FBXL13: variants seen among roughly 807,000 people sequenced by gnomAD.
The protein encoded by FBXL13 is F-box and leucine rich repeat protein 13, also known as F-box and leucine-rich repeat protein 13.
In FBXL13, 67 loss-of-function variants were observed where a neutral mutation model predicts 83.6. That is an observed-to-expected ratio of 0.80 (90% CI 0.66 to 0.98). FBXL13 has a LOEUF of 0.98. Ranked by LOEUF, FBXL13 falls within the 50% of genes least tolerant of loss-of-function variation. The pLI, the probability that FBXL13 is intolerant of heterozygous loss-of-function variation, is 0.00. For synonymous variants in FBXL13, 272 were observed against 299.5 expected, an observed-to-expected ratio of 0.91 and a Z score of 0.95; for missense variants, 822 against 866.5, an observed-to-expected ratio of 0.95 and a Z score of 0.64.
intron 19 of FBXL13, among the ~76,000 whole-genome samples, chr7:102,816,607 A>T (rs1798037483): frequency 6.6e-6 from 1 of 152,174 alleles, no homozygotes; most frequent in African/African-American, 2.4e-5. Context: ...GTGTTTGCAC[A>T]CACGCACCTT....
Position 102,968,135 on chromosome 7 carries a change from T to C in FBXL13, c.496-18A>G. On this transcript the variant is annotated intron_variant, in intron 6 of 19. Transcript: ENST00000313221. ...AAGAAAATCTAAACACAAAGAAAAATACACAACTTTGAAAAATGTGAACTT... is the reference window on the plus strand; with the variant it reads ...AAGAAAATCTAAACACAAAGAAAAACACACAACTTTGAAAAATGTGAACTT... 2.6e-6 allele frequency: 4 copies of C among 1,552,314 alleles called. No homozygotes were observed. The highest frequency in any genetic ancestry group is 1.1e-5 in the South Asian group (1 of 89,862).
chr7:102,974,909 T>G (rs2129482745), intron 6 of FBXL13, among the ~76,000 whole-genome samples: 1 of 152,266 alleles, frequency 6.6e-6, no homozygotes, highest in African/African-American at 2.4e-5. Context: ...CACTGTCCTC[T>G]CCTCAGGACA....
chr7:102,883,517 CA>C, intron 13 of FBXL13, 50 bp from the exon 15 acceptor site: 1 of 1,590,098 alleles, frequency 6.3e-7, no homozygotes, highest in Non-Finnish European at 8.6e-7. Flanking sequence ...TAGAATGCCA[CA>C]AGAGTAAAAG....
chr7:102,916,791 T>TG (rs61021557), intron 10 of FBXL13, among the ~76,000 whole-genome samples: 36,116 of 147,274 alleles, frequency 0.25, 4,940 homozygotes, highest in East Asian at 0.49. Flanking sequence ...CTGTTTCTTA[T>TG]GGGGGGGGGT....
At position 103,024,134 on chromosome 7, in the gene FBXL13, A is replaced by AG. The variant is rs1326497136; in HGVS notation, c.495+928_495+929insC. 6.2e-4 allele frequency among the ~76,000 whole-genome samples: 84 copies of AG among 135,288 alleles called. 3 individuals are homozygous for AG. The highest frequency in any genetic ancestry group is 2.6e-4 in the South Asian group (1 of 3,854). The allele number at this position is 135,288 out of a possible 152,430, so 88.8% of individuals were successfully genotyped here. ...TCCCTCAACCTAAAATAAAAGTTAAAAAGAGAGAGAGAGAGAGAGAGAGAG... is the reference window on the plus strand; with the variant it reads ...TCCCTCAACCTAAAATAAAAGTTAAAGAAGAGAGAGAGAGAGAGAGAGAGAG... On this transcript the variant is annotated intron_variant, in intron 6 of 19. Transcript: ENST00000313221.
At chr7:102,978,417 G>C (rs562153144) in intron 6 of FBXL13, 2 of 152,822 alleles carry the variant, frequency 1.3e-5, no homozygotes, top group South Asian at 4.1e-4. Flanking sequence ...TGTGCCAGCA[G>C]TGTGAGTCAG....
At chr7:102,931,959 T>C (rs1313093789) in intron 8 of FBXL13, 26 bp from the exon 10 acceptor site, 2 of 1,605,798 alleles carry the variant, frequency 1.2e-6, no homozygotes, top group East Asian at 4.5e-5. Context: ...TACACGTCAC[T>C]AAACTACATA....
intron 9 of FBXL13, among the ~76,000 whole-genome samples, chr7:102,929,712 A>G (rs939672709): frequency 2.0e-5 from 3 of 151,968 alleles, no homozygotes; most frequent in African/African-American, 7.2e-5. Flanking sequence ...TAACTGTCAA[A>G]AAGTGAACAG....
chr7:102,939,579 G>T, intron 8 of FBXL13: 1 of 1,612,650 alleles, frequency 6.2e-7, no homozygotes, highest in Non-Finnish European at 8.5e-7. Flanking sequence ...TGAATTCATC[G>T]ATCCTGGTAA....
intron 14 of FBXL13, among the ~76,000 whole-genome samples, chr7:102,881,686 T>C (rs888089024): frequency 6.6e-6 from 1 of 152,098 alleles, no homozygotes; most frequent in Non-Finnish European, 1.5e-5. Context: ...CTCAGGGATT[T>C]AGAAGTGAAC....
At chr7:103,068,380 C>A (rs938956311) in intron 1 of FBXL13, among the ~76,000 whole-genome samples, 1 of 152,150 alleles carries the variant, frequency 6.6e-6, no homozygotes, top group Non-Finnish European at 1.5e-5. Context: ...AGACACCTAA[C>A]CTATCTCTAG....
At chr7:102,964,977 T>C (rs919166672) in intron 7 of FBXL13, among the ~76,000 whole-genome samples, 9 of 152,084 alleles carry the variant, frequency 5.9e-5, no homozygotes, top group East Asian at 3.9e-4. Context: ...TCTAAAGCAA[T>C]AGAGTCCAAG....
chr7:102,835,414 T>C (rs1199850186), intron 17 of FBXL13, among the ~76,000 whole-genome samples: 1 of 152,142 alleles, frequency 6.6e-6, no homozygotes, highest in Non-Finnish European at 1.5e-5. Flanking sequence ...TCAATAAAAA[T>C]GCAATAAGCC....
intron 16 of FBXL13, 71 bp from the exon 18 acceptor site, chr7:102,854,931 T>C: frequency 1.2e-6 from 1 of 841,416 alleles, no homozygotes; most frequent in Non-Finnish European, 1.8e-6. Context: ...CCAATAACCA[T>C]TTATACAAAC....
intron 10 of FBXL13, among the ~76,000 whole-genome samples, chr7:102,924,512 A>G (rs1817679830): frequency 6.6e-6 from 1 of 152,128 alleles, no homozygotes; most frequent in Non-Finnish European, 1.5e-5. Flanking sequence ...TTGACTAAAA[A>G]TGTGACAGCT....
chr7:102,834,088 A>G lies in FBXL13; in HGVS notation c.1720-1114T>C, dbSNP rs1033971007. On this transcript the variant is annotated intron_variant, in intron 17 of 19. Coordinates refer to ENST00000313221, the Ensembl canonical transcript of FBXL13. ...AGGAAGGAAGGAAGGAAGGAAAGAAAAGAAAGAAAGAAAGAAAGAAAGAAA... is the reference window on the plus strand; with the variant it reads ...AGGAAGGAAGGAAGGAAGGAAAGAAGAGAAAGAAAGAAAGAAAGAAAGAAA... 2.6e-3 allele frequency among the ~76,000 whole-genome samples: 163 copies of G among 61,768 alleles called. 5 individuals carry two copies. The highest frequency in any genetic ancestry group is 0.011 in the African/African-American group (158 of 14,518). The allele number at this position is 61,768 out of a possible 152,430, so 40.5% of individuals were successfully genotyped here. A position where few individuals can be genotyped will look rare whatever the true frequency, so the allele number is the denominator to read the frequency against.
intron 8 of FBXL13, among the ~76,000 whole-genome samples, chr7:102,943,625 G>A (rs545022530): frequency 6.6e-6 from 1 of 152,180 alleles, no homozygotes; most frequent in East Asian, 1.9e-4. Context: ...AAAGACTCTC[G>A]CCACTATGTA....
At chr7:102,933,917 C>T in intron 8 of FBXL13, 6 of 1,597,958 alleles carry the variant, frequency 3.8e-6, no homozygotes, top group Non-Finnish European at 5.1e-6. Flanking sequence ...TGTCAGGATG[C>T]GTGTGGTTAC....
chr7:102,844,658 C>G (rs535544622), intron 17 of FBXL13, among the ~76,000 whole-genome samples: 1 of 152,272 alleles, frequency 6.6e-6, no homozygotes, highest in African/African-American at 2.4e-5. Context: ...GTGGGTTTTT[C>G]TATACACTGA....
Sources: gnomAD v4.1 joint callset for allele counts (sites outside exome capture counted in the v4.1 genomes callset) on GRCh38, gnomAD v4.1.1 for gene constraint, MANE v1.5 for transcripts, NCBI Gene and HGNC (gene_info 2026-07-23, HGNC 2026-07-21) for gene names.